The following GRID2 variants were observed in gnomAD, a reference collection of about 807,000 sequenced individuals.
GRID2 encodes the protein glutamate receptor ionotropic, delta-2.
GRID2 carries 33 observed loss-of-function variants against 114.8 expected under a neutral mutation model. The observed-to-expected ratio is 0.29, with a 90% CI of 0.22 to 0.38. The LOEUF is 0.38. Ranked by LOEUF, GRID2 falls within the 10% of genes least tolerant of loss-of-function variation. The probability of loss-of-function intolerance (pLI) is 1.00; values close to 1 mark genes in which losing one functional copy is unlikely to be tolerated. For missense variants in GRID2, 1,184 were observed against 1,257.7 expected (o/e 0.94, Z 0.89); for synonymous variants, 505 against 449.9 (o/e 1.12, Z -1.55).
chr4:93,297,671 T>G (rs1025145126), intron 8 of GRID2, among the ~76,000 whole-genome samples: 4 of 152,214 alleles, frequency 2.6e-5, no homozygotes, highest in Admixed American at 6.5e-5. Flanking sequence ...AATAATGGTA[T>G]TGCATATAAA....
intron 2 of GRID2, among the ~76,000 whole-genome samples, chr4:92,810,405 A>G (rs1337835671): frequency 6.6e-6 from 1 of 152,064 alleles, no homozygotes; most frequent in Non-Finnish European, 1.5e-5. Context: ...CAGTTGCACT[A>G]AAATCCTAGA....
chr4:92,981,265 T>C (rs549736282), intron 2 of GRID2, among the ~76,000 whole-genome samples: 2 of 152,184 alleles, frequency 1.3e-5, no homozygotes, highest in African/African-American at 4.8e-5. Context: ...ATAATAATTA[T>C]TTAGTTCATT....
intron 1 of GRID2, among the ~76,000 whole-genome samples, chr4:93,796,534 CT>C (rs1734805676): frequency 7.0e-6 from 1 of 142,386 alleles, no homozygotes; most frequent in Non-Finnish European, 1.6e-5. Context: ...AAATGTACTT[CT>C]TTTGTTTGTT....
At chr4:93,161,696 GT>G in intron 4 of GRID2, among the ~76,000 whole-genome samples, 1 of 151,756 alleles carries the variant, frequency 6.6e-6, no homozygotes, top group Non-Finnish European at 1.5e-5. Flanking sequence ...GTAAATCATA[GT>G]TTTTATGTGA....
intron 14 of GRID2, among the ~76,000 whole-genome samples, chr4:93,680,274 T>A (rs1017011945): frequency 1.3e-5 from 2 of 152,056 alleles, no homozygotes; most frequent in Non-Finnish European, 2.9e-5. Context: ...TCTGAAATTG[T>A]GGCAATAATC....
intron 1 of GRID2, among the ~76,000 whole-genome samples, chr4:92,394,338 C>T (rs1730391013): frequency 6.6e-6 from 1 of 152,050 alleles, no homozygotes; most frequent in African/African-American, 2.4e-5. Flanking sequence ...TGGTTCTTTA[C>T]TCATGGTGCA....
chr4:93,314,057 C>A (rs1018034243), intron 8 of GRID2, among the ~76,000 whole-genome samples: 1 of 152,092 alleles, frequency 6.6e-6, no homozygotes, highest in Non-Finnish European at 1.5e-5. Context: ...GTAATCCCAG[C>A]AATTTGGGAG....
intron 1 of GRID2, among the ~76,000 whole-genome samples, chr4:92,478,304 GTGGCTT>G (rs1349780755): frequency 1.3e-5 from 2 of 152,132 alleles, no homozygotes; most frequent in Middle Eastern, 3.2e-3. Flanking sequence ...GAAGTAGTCA[GTGGCTT>G]TACCCCTACA....
intron 1 of GRID2, among the ~76,000 whole-genome samples, chr4:92,334,041 A>G (rs1339962520): frequency 6.6e-6 from 1 of 152,168 alleles, no homozygotes; most frequent in Non-Finnish European, 1.5e-5. Context: ...CCCACCAGGT[A>G]TCCTGGTTCA....
At chr4:93,431,538 G>A (rs1037737564) in intron 10 of GRID2, among the ~76,000 whole-genome samples, 16 of 152,324 alleles carry the variant, frequency 1.1e-4, no homozygotes, top group Non-Finnish European at 1.9e-4. Flanking sequence ...GGCCATTTGG[G>A]AGTTGTTGGT....
intron 1 of GRID2, among the ~76,000 whole-genome samples, chr4:92,475,986 GT>G (rs1722291610): frequency 1.4e-5 from 2 of 147,842 alleles, no homozygotes; most frequent in South Asian, 4.3e-4. Flanking sequence ...TGTTGTTAGT[GT>G]ATAGAAATGC....
chr4:92,497,548 C>A (rs1365197862), intron 1 of GRID2, among the ~76,000 whole-genome samples: 1 of 151,768 alleles, frequency 6.6e-6, no homozygotes. Context: ...ATTGAATGAT[C>A]TTTTACAGCA....
chr4:92,386,333 T>G (rs967599917), intron 1 of GRID2, among the ~76,000 whole-genome samples: 2 of 151,750 alleles, frequency 1.3e-5, no homozygotes, highest in Admixed American at 6.6e-5. Flanking sequence ...TCAAAGTGTA[T>G]GTACCATGTA....
At chr4:92,567,902 C>A (rs1260152227) in intron 1 of GRID2, among the ~76,000 whole-genome samples, 2 of 151,878 alleles carry the variant, frequency 1.3e-5, no homozygotes, top group East Asian at 3.9e-4. Context: ...AACCCCTTGC[C>A]CTCATGGAAA....
At chr4:93,094,732 A>G (rs1453038342) in intron 3 of GRID2, among the ~76,000 whole-genome samples, 1 of 152,044 alleles carries the variant, frequency 6.6e-6, no homozygotes, top group East Asian at 1.9e-4. Context: ...TACTTACACT[A>G]AGATTAAACC....
chr4:92,947,214 A>G (rs776558560), intron 2 of GRID2, among the ~76,000 whole-genome samples: 4 of 152,054 alleles, frequency 2.6e-5, no homozygotes, highest in Non-Finnish European at 4.4e-5. Context: ...TGCAAATACT[A>G]TAGATTCTAA....
At chr4:93,726,750 G>A (rs1352191314) in intron 14 of GRID2, among the ~76,000 whole-genome samples, 1 of 152,070 alleles carries the variant, frequency 6.6e-6, no homozygotes, top group Non-Finnish European at 1.5e-5. Context: ...TGAAGCAATT[G>A]TGAATGGGAG....
At chr4:92,373,504 C>T (rs931608582) in intron 1 of GRID2, among the ~76,000 whole-genome samples, 3 of 152,200 alleles carry the variant, frequency 2.0e-5, no homozygotes, top group Admixed American at 2.0e-4. Context: ...GGCTTTTTCT[C>T]TTTCTCATGT....
chr4:93,143,719 G>C (rs908872944), intron 4 of GRID2, among the ~76,000 whole-genome samples: 1 of 152,098 alleles, frequency 6.6e-6, no homozygotes, highest in African/African-American at 2.4e-5. Context: ...CTTGAAACAA[G>C]TATGAAGACT....
Sources: gnomAD v4.1 joint callset for allele counts (sites outside exome capture counted in the v4.1 genomes callset) on GRCh38, gnomAD v4.1.1 for gene constraint, MANE v1.5 for transcripts, NCBI Gene and HGNC (gene_info 2026-07-23, HGNC 2026-07-21) for gene names.